Variants in TBC1D5 observed in about 807,000 individuals in gnomAD.
TBC1D5 encodes the protein TBC1 domain family, member 5.
In TBC1D5, 75 loss-of-function variants were observed where a neutral mutation model predicts 100.3. The observed-to-expected ratio is 0.75, with a 90% confidence interval of 0.62 to 0.91. TBC1D5 has a LOEUF of 0.91. TBC1D5 is among the 40% of genes least tolerant of loss of function. The probability of loss-of-function intolerance (pLI) is 0.00; values close to 1 mark genes in which losing one functional copy is unlikely to be tolerated. For synonymous variants in TBC1D5, 323 were observed against 325.6 expected, an observed-to-expected ratio of 0.99 and a Z score of 0.09; for missense variants, 910 against 942.4, an observed-to-expected ratio of 0.97 and a Z score of 0.45.
At chr3:17,547,476 T>G (rs2153438399) in intron 2 of TBC1D5, among the ~76,000 whole-genome samples, 1 of 152,304 alleles carries the variant, frequency 6.6e-6, no homozygotes, top group Non-Finnish European at 1.5e-5. Context: ...TTACTTCTCT[T>G]AAGAAACATT....
At chr3:17,703,590 C>T (rs533526743) in intron 1 of TBC1D5, among the ~76,000 whole-genome samples, 8 of 152,044 alleles carry the variant, frequency 5.3e-5, no homozygotes, top group African/African-American at 1.9e-4. Context: ...TAGTTGAACT[C>T]TAAATCTGTC....
At chr3:17,379,093 CTTT>C (rs143444968) in intron 9 of TBC1D5, among the ~76,000 whole-genome samples, 2 of 145,474 alleles carry the variant, frequency 1.4e-5, no homozygotes, top group Admixed American at 1.4e-4. Flanking sequence ...TTTTCTGCTC[CTTT>C]TTTTTTTCAA....
chr3:17,397,656 C>A (rs1164253364), intron 8 of TBC1D5, among the ~76,000 whole-genome samples: 1 of 152,180 alleles, frequency 6.6e-6, no homozygotes, highest in Non-Finnish European at 1.5e-5. Flanking sequence ...GGATTGAAGG[C>A]ATGAGCCAAC....
intron 3 of TBC1D5, among the ~76,000 whole-genome samples, chr3:17,467,358 C>A (rs1304978075): frequency 6.8e-6 from 1 of 146,762 alleles, no homozygotes; most frequent in Non-Finnish European, 1.5e-5. Context: ...GGTACATGTG[C>A]ACAACGTGCA....
chr3:17,473,488 T>C (rs962451413), intron 3 of TBC1D5, among the ~76,000 whole-genome samples: 37 of 152,340 alleles, frequency 2.4e-4, no homozygotes, highest in African/African-American at 7.9e-4. Context: ...TTTAACTGTA[T>C]TTCTAAAACT....
intron 15 of TBC1D5, among the ~76,000 whole-genome samples, chr3:17,284,351 C>T (rs1045233979): frequency 5.9e-5 from 9 of 152,116 alleles, no homozygotes; most frequent in African/African-American, 1.7e-4. Context: ...CTCCTGACTT[C>T]GAGTGATCCG....
chr3:17,227,231 G>T (rs778842335), intron 17 of TBC1D5, among the ~76,000 whole-genome samples: 1 of 152,132 alleles, frequency 6.6e-6, no homozygotes, highest in Non-Finnish European at 1.5e-5. Context: ...GGAAATGGTC[G>T]TGGTGGGTCA....
At chr3:17,419,141 T>C (rs1206469840) in intron 4 of TBC1D5, among the ~76,000 whole-genome samples, 1 of 152,208 alleles carries the variant, frequency 6.6e-6, no homozygotes, top group Non-Finnish European at 1.5e-5. Flanking sequence ...GAAGGGCTCT[T>C]ATACACATAC....
At chr3:17,199,347 T>C (rs901320064) in intron 18 of TBC1D5, among the ~76,000 whole-genome samples, 1 of 152,260 alleles carries the variant, frequency 6.6e-6, no homozygotes, top group Non-Finnish European at 1.5e-5. Flanking sequence ...TATTATAGTT[T>C]GACAGTTGTC....
At chr3:17,185,237 T>C (rs754728266) in intron 18 of TBC1D5, 29 bp from the exon 20 acceptor site, 10 of 1,581,414 alleles carry the variant, frequency 6.3e-6, no homozygotes, top group African/African-American at 2.7e-5. Context: ...CATATGGAAA[T>C]TTTTTAGAGA....
chr3:17,649,199 G>A (rs1433826984), intron 1 of TBC1D5, among the ~76,000 whole-genome samples: 3 of 152,118 alleles, frequency 2.0e-5, no homozygotes. Flanking sequence ...GGAGGTGGAG[G>A]CTATTATCCT....
chr3:17,283,301 A>T (rs1224944002), intron 15 of TBC1D5, among the ~76,000 whole-genome samples: 1 of 152,192 alleles, frequency 6.6e-6, no homozygotes, highest in Non-Finnish European at 1.5e-5. Context: ...CAGCAGGGTG[A>T]ACTTCTCTCA....
At chr3:17,738,559 T>A (rs11922861) in intron 1 of TBC1D5, among the ~76,000 whole-genome samples, 7,628 of 152,278 alleles carry the variant, frequency 0.05, 606 homozygotes, top group African/African-American at 0.17. Context: ...TTATTATTAA[T>A]AGCTGAAAAT....
rs1212581623 is a variant in TBC1D5 at position 17,492,837 on chromosome 3, A to T, written c.97+15637T>A. On this transcript the variant is annotated intron_variant, in intron 3 of 21. Coordinates refer to ENST00000253692, the Ensembl canonical transcript of TBC1D5. Reference sequence around the variant, plus strand: ...AAGAACTTCTTGATTTCTGAATTGCATTATTTACTCAAGAATCATTCAGAA... The same window carrying T: ...AAGAACTTCTTGATTTCTGAATTGCTTTATTTACTCAAGAATCATTCAGAA... Among the ~76,000 whole-genome samples, 9 of 152,296 alleles carry T rather than the reference A, an allele frequency of 5.9e-5. No individual in the cohort carries two copies. The East Asian group carries it at 1.7e-3, about 29-fold the overall frequency.
chr3:17,392,008 A>G (rs2093364328), intron 8 of TBC1D5, among the ~76,000 whole-genome samples: 1 of 152,120 alleles, frequency 6.6e-6, no homozygotes, highest in Non-Finnish European at 1.5e-5. Flanking sequence ...GCTTTTTCTC[A>G]TTCCCAGCTT....
At chr3:17,436,463 C>A (rs2094537207) in intron 3 of TBC1D5, among the ~76,000 whole-genome samples, 1 of 152,074 alleles carries the variant, frequency 6.6e-6, no homozygotes, top group Admixed American at 6.6e-5. Context: ...TTACTCATAA[C>A]TTAAATAATT....
chr3:17,711,785 G>A (rs2074759826), intron 1 of TBC1D5, among the ~76,000 whole-genome samples: 1 of 152,122 alleles, frequency 6.6e-6, no homozygotes, highest in Non-Finnish European at 1.5e-5. Flanking sequence ...TGTATTTACA[G>A]GTTTTCAGTG....
chr3:17,504,306 A>G (rs1479590472), intron 3 of TBC1D5, among the ~76,000 whole-genome samples: 2 of 68,640 alleles, frequency 2.9e-5, no homozygotes, highest in African/African-American at 5.1e-5. Context: ...GAGGGGGGAG[A>G]GATAGCATTG....
At chr3:17,484,164 C>G (rs1166977438) in intron 3 of TBC1D5, among the ~76,000 whole-genome samples, 4 of 152,094 alleles carry the variant, frequency 2.6e-5, no homozygotes, top group Non-Finnish European at 5.9e-5. Flanking sequence ...AAGACAGGAA[C>G]AGAAACTGAA....
Sources: gnomAD v4.1 joint callset for allele counts (sites outside exome capture counted in the v4.1 genomes callset) on GRCh38, gnomAD v4.1.1 for gene constraint, MANE v1.5 for transcripts, NCBI Gene and HGNC (gene_info 2026-07-23, HGNC 2026-07-21) for gene names.